Variants in ARHGAP32 observed in about 807,000 individuals in gnomAD.
ARHGAP32 encodes the protein rho GTPase-activating protein 32.
A neutral mutation model predicts 186.5 loss-of-function variants in ARHGAP32; 51 were observed. The observed-to-expected ratio is 0.27, with a 90% CI of 0.22 to 0.35. The LOEUF is 0.35. Ranked by LOEUF, ARHGAP32 falls within the 10% of genes least tolerant of loss-of-function variation. The pLI, the probability that ARHGAP32 is intolerant of heterozygous loss-of-function variation, is 1.00. For synonymous variants in ARHGAP32, 950 were observed against 964.3 expected (o/e 0.99, Z 0.27); for missense variants, 2,186 against 2,623.5 (o/e 0.83, Z 3.64).
chr11:129,198,871 G>C (rs1251908159), intron 1 of ARHGAP32, among the ~76,000 whole-genome samples: 1 of 152,202 alleles, frequency 6.6e-6, no homozygotes, highest in African/African-American at 2.4e-5. Context: ...GGAAAGTTTG[G>C]AACTTCCTAG....
intron 15 of ARHGAP32, among the ~76,000 whole-genome samples, chr11:128,983,309 A>G (rs1308716333): frequency 3.3e-5 from 5 of 152,198 alleles, no homozygotes; most frequent in African/African-American, 1.2e-4. Flanking sequence ...TGCTGTATAT[A>G]ATTAAGAGAA....
rs1175509495 is a variant in ARHGAP32, at chr11:128,968,765, CTGATT to C, written c.*137_*141del. On this transcript the variant is annotated 3_prime_UTR_variant, in exon 23 of 23. Transcript: ENST00000682385. ...TGAAGCAGGGAAGGGGAAAAAGATG[CTGATT>C]TGTTTACTTTTATTATCATTTTTTA... 9 of 636,258 alleles carry C rather than the reference CTGATT, an allele frequency of 1.4e-5. No individual in the cohort carries two copies. Among genetic ancestry groups the C allele is most frequent in the Non-Finnish European group, 2.1e-5 (9 of 431,664 alleles). 39.4% of individuals were successfully genotyped at this position (636,258 alleles called of 1,614,324 possible).
intron 1 of ARHGAP32, among the ~76,000 whole-genome samples, chr11:129,184,293 G>T (rs1423455566): frequency 6.6e-6 from 1 of 152,080 alleles, no homozygotes; most frequent in Non-Finnish European, 1.5e-5. Context: ...AGGGGAAAGG[G>T]CAAAGAAGCG....
At position 128,995,181 on chromosome 11, in the gene ARHGAP32, CAGGTTCCT is replaced by C. The variant is rs559145345; in HGVS notation, c.1195+3130_1195+3137del. On this transcript the variant is annotated intron_variant, in intron 12 of 22. Transcript: ENST00000682385. ...TCTACCATTTATAGATAATATTTTTCAGGTTCCTACACTGTATTCAAACTTATTTTATT... is the reference window on the plus strand; with the variant it reads ...TCTACCATTTATAGATAATATTTTTCACACTGTATTCAAACTTATTTTATT... Among the ~76,000 whole-genome samples the C allele has an allele frequency of 1.3e-3, 198 of 152,172 alleles. 1 individual carries two copies. The highest frequency in any genetic ancestry group is 4.3e-3 in the African/African-American group (180 of 41,500).
chr11:129,179,142 C>A (rs1394698479), intron 1 of ARHGAP32, among the ~76,000 whole-genome samples: 1 of 151,992 alleles, frequency 6.6e-6, no homozygotes, highest in East Asian at 1.9e-4. Flanking sequence ...AGGACATGAA[C>A]AGACACTTCT....
intron 1 of ARHGAP32, among the ~76,000 whole-genome samples, chr11:129,274,460 T>C (rs1250199852): frequency 6.6e-6 from 1 of 152,088 alleles, no homozygotes; most frequent in Admixed American, 6.5e-5. Context: ...GGAACATCAG[T>C]GCCCTCCCCT....
intron 1 of ARHGAP32, among the ~76,000 whole-genome samples, chr11:129,263,480 C>T (rs183709533): frequency 1.3e-5 from 2 of 151,920 alleles, no homozygotes; most frequent in Non-Finnish European, 1.5e-5. Flanking sequence ...AAAATGCTCA[C>T]CATCACTATC....
chr11:129,004,891 C>T lies in ARHGAP32; in HGVS notation c.1046-6423G>A, dbSNP rs571371569. Among the ~76,000 whole-genome samples the T allele has an allele frequency of 3.4e-4, 51 of 152,190 alleles. 1 individual carries two copies. In the South Asian group the frequency reaches 7.5e-3, roughly 22 times the overall value. On this transcript the variant is annotated intron_variant, in intron 11 of 22. Transcript: ENST00000682385. ...TGATGTTATTATCGGTAAGTTCAGA[C>T]TTCCTCCAACCATTTTGTTATCTGT... is the stretch of plus-strand genomic sequence containing the variant.
At chr11:129,172,269 A>G (rs1033395151) in intron 1 of ARHGAP32, among the ~76,000 whole-genome samples, 2 of 152,128 alleles carry the variant, frequency 1.3e-5, no homozygotes, top group African/African-American at 4.8e-5. Context: ...GAATGTTTCC[A>G]TCTTTTCTCC....
chr11:129,153,155 A>AC (rs1448407947), intron 2 of ARHGAP32, among the ~76,000 whole-genome samples: 1 of 151,838 alleles, frequency 6.6e-6, no homozygotes, highest in Non-Finnish European at 1.5e-5. Context: ...CAAAAAAAAA[A>AC]AATTAGGAAT....
chr11:129,029,044 A>C (rs181299677), intron 11 of ARHGAP32, among the ~76,000 whole-genome samples: 2 of 152,336 alleles, frequency 1.3e-5, no homozygotes, highest in East Asian at 3.9e-4. Flanking sequence ...AGTGAAGAAA[A>C]ATTAAAAGAT....
At chr11:129,172,990 GAAAAA>G (rs138385970) in intron 1 of ARHGAP32, among the ~76,000 whole-genome samples, 1 of 126,170 alleles carries the variant, frequency 7.9e-6, no homozygotes, top group Admixed American at 7.9e-5. Context: ...CCTCCAAAAA[GAAAAA>G]AAAAAAAATC....
intron 11 of ARHGAP32, among the ~76,000 whole-genome samples, chr11:129,040,689 TAATGAC>T (rs1193866755): frequency 1.3e-5 from 2 of 152,180 alleles, no homozygotes; most frequent in African/African-American, 4.8e-5. Flanking sequence ...TAAAAGTAAA[TAATGAC>T]AAAGCTTAAT....
intron 21 of ARHGAP32, chr11:128,973,646 T>C: frequency 1.7e-6 from 1 of 586,532 alleles, no homozygotes; most frequent in Non-Finnish European, 3.0e-6. Context: ...AAGACTGCAA[T>C]CTCTTCTTGA....
intron 1 of ARHGAP32, among the ~76,000 whole-genome samples, chr11:129,245,510 T>C (rs1214300482): frequency 6.7e-6 from 1 of 150,026 alleles, no homozygotes; most frequent in Admixed American, 6.6e-5. Flanking sequence ...GATGACGAGT[T>C]AGTGGGTGCA....
intron 10 of ARHGAP32, among the ~76,000 whole-genome samples, chr11:129,053,101 CAAAT>C (rs1018937940): frequency 1.3e-5 from 2 of 151,758 alleles, no homozygotes; most frequent in African/African-American, 2.4e-5. Flanking sequence ...AAACTAAAAA[CAAAT>C]AAAGTGTTCT....
At chr11:129,217,300 T>C (rs1944660159) in intron 1 of ARHGAP32, among the ~76,000 whole-genome samples, 1 of 152,092 alleles carries the variant, frequency 6.6e-6, no homozygotes, top group Non-Finnish European at 1.5e-5. Flanking sequence ...AAACCTGTGG[T>C]CTATGCTCTG....
At chr11:129,057,624 C>T (rs944074968) in intron 10 of ARHGAP32, among the ~76,000 whole-genome samples, 3 of 151,322 alleles carry the variant, frequency 2.0e-5, no homozygotes, top group Non-Finnish European at 2.9e-5. Flanking sequence ...TCAAATCCCA[C>T]GTCATATTCC....
intron 1 of ARHGAP32, among the ~76,000 whole-genome samples, chr11:129,209,493 C>G (rs1432707126): frequency 6.6e-6 from 1 of 151,698 alleles, no homozygotes; most frequent in Non-Finnish European, 1.5e-5. Flanking sequence ...ATAGACAGCA[C>G]TAAGGATTTG....
Sources: gnomAD v4.1 joint callset for allele counts (sites outside exome capture counted in the v4.1 genomes callset) on GRCh38, gnomAD v4.1.1 for gene constraint, MANE v1.5 for transcripts, NCBI Gene and HGNC (gene_info 2026-07-23, HGNC 2026-07-21) for gene names.